The following EEFSEC variants were observed in gnomAD, a reference collection of about 807,000 sequenced individuals.
EEFSEC encodes selenocysteine-specific elongation factor.
In EEFSEC, 43 loss-of-function variants were observed where a neutral mutation model predicts 42.1. The ratio of observed to expected loss-of-function variants is 1.02; its 90% confidence interval spans 0.80 to 1.32. The LOEUF is 1.32. Among genes scored for constraint, EEFSEC ranks in the 40% most tolerant of loss-of-function variants. EEFSEC has a pLI of 0.00. For missense variants in EEFSEC, 745 were observed against 803.6 expected (o/e 0.93, Z 0.88); for synonymous variants, 354 against 339.1 (o/e 1.04, Z -0.48).
chr3:128,156,416 A>G (rs917438555), intron 1 of EEFSEC, among the ~76,000 whole-genome samples: 30 of 152,110 alleles, frequency 2.0e-4, no homozygotes, highest in Non-Finnish European at 3.8e-4. Context: ...TCCCCAGGTT[A>G]CCCTATAGTT....
intron 1 of EEFSEC, among the ~76,000 whole-genome samples, chr3:128,231,278 T>C (rs1465730884): frequency 6.6e-6 from 1 of 152,240 alleles, no homozygotes; most frequent in Non-Finnish European, 1.5e-5. Context: ...CCACTCATTT[T>C]CACAATGGAA....
At chr3:128,414,598 C>G in the EEFSEC span, among the ~76,000 whole-genome samples, 1 of 152,242 alleles carries the variant, frequency 6.6e-6, no homozygotes, top group African/African-American at 2.4e-5. Flanking sequence ...GCCAGTTACC[C>G]ACACTGTCCC....
At chr3:128,362,618 G>A (rs1466389303) in intron 6 of EEFSEC, among the ~76,000 whole-genome samples, 5 of 152,204 alleles carry the variant, frequency 3.3e-5, no homozygotes, top group African/African-American at 9.7e-5. Context: ...AGGGGCACGC[G>A]GAGCTTAAAG....
intron 1 of EEFSEC, among the ~76,000 whole-genome samples, chr3:128,213,217 G>A (rs574973221): frequency 7.9e-4 from 121 of 152,276 alleles, no homozygotes; most frequent in Admixed American, 1.4e-3. Flanking sequence ...CAAACCTTTC[G>A]TCTTCCGGAT....
chr3:128,351,069 A>G (rs923094934), intron 5 of EEFSEC, among the ~76,000 whole-genome samples: 3 of 152,116 alleles, frequency 2.0e-5, no homozygotes, highest in African/African-American at 7.2e-5. Flanking sequence ...CATTGGATCC[A>G]AGGACTGCTG....
At chr3:128,359,974 A>C (rs2067504204) in intron 6 of EEFSEC, among the ~76,000 whole-genome samples, 1 of 152,184 alleles carries the variant, frequency 6.6e-6, no homozygotes, top group Non-Finnish European at 1.5e-5. Context: ...CACTGCCCAG[A>C]GATAGCATCT....
intron 6 of EEFSEC, among the ~76,000 whole-genome samples, chr3:128,361,607 G>A (rs1227419416): frequency 6.6e-6 from 1 of 152,204 alleles, no homozygotes; most frequent in Non-Finnish European, 1.5e-5. Context: ...GGGTCCTGAT[G>A]CTAGGGCTGT....
chr3:128,335,001 T>C (rs528550523), intron 4 of EEFSEC, among the ~76,000 whole-genome samples: 2 of 152,330 alleles, frequency 1.3e-5, no homozygotes, highest in Non-Finnish European at 2.9e-5. Context: ...CTCTTTACCC[T>C]TGGGGTTTTG....
At chr3:128,194,623 A>G (rs2065562379) in intron 1 of EEFSEC, among the ~76,000 whole-genome samples, 2 of 152,238 alleles carry the variant, frequency 1.3e-5, no homozygotes, top group African/African-American at 4.8e-5. Flanking sequence ...TATTTATAAG[A>G]GCAAAAAATT....
intron 2 of EEFSEC, among the ~76,000 whole-genome samples, chr3:128,247,908 G>T (rs2107900736): frequency 6.6e-6 from 1 of 152,176 alleles, no homozygotes; most frequent in East Asian, 1.9e-4. Flanking sequence ...GGCTTGGGGA[G>T]ATATCTAGCG....
At chr3:128,164,692 C>A (rs1014730388) in intron 1 of EEFSEC, among the ~76,000 whole-genome samples, 3 of 152,116 alleles carry the variant, frequency 2.0e-5, no homozygotes, top group African/African-American at 7.2e-5. Context: ...TCAGAGTAAA[C>A]AAGGACCTAG....
chr3:128,154,169 A>G (rs1283285190), intron 1 of EEFSEC, among the ~76,000 whole-genome samples: 1 of 152,148 alleles, frequency 6.6e-6, no homozygotes, highest in Non-Finnish European at 1.5e-5. Context: ...AAAAGGGTAT[A>G]CATACAAAGG....
intron 6 of EEFSEC, among the ~76,000 whole-genome samples, chr3:128,376,826 T>C (rs1280614276): frequency 3.9e-5 from 6 of 152,102 alleles, no homozygotes; most frequent in Non-Finnish European, 2.9e-5. Flanking sequence ...AGAGGAAAGA[T>C]TTAATGTCAG....
At chr3:128,195,473 G>A (rs983583499) in intron 1 of EEFSEC, among the ~76,000 whole-genome samples, 18 of 152,246 alleles carry the variant, frequency 1.2e-4, no homozygotes, top group African/African-American at 4.3e-4. Flanking sequence ...CACAGTATTT[G>A]GTGATCAGCA....
intron 6 of EEFSEC, among the ~76,000 whole-genome samples, chr3:128,387,416 A>C (rs962569018): frequency 5.3e-5 from 8 of 152,208 alleles, no homozygotes; most frequent in Admixed American, 3.3e-4. Context: ...GGCAAGACAC[A>C]AAGGTGCATG....
chr3:128,239,612 A>C (rs1215348135), intron 1 of EEFSEC, among the ~76,000 whole-genome samples: 3 of 152,118 alleles, frequency 2.0e-5, no homozygotes, highest in Non-Finnish European at 4.4e-5. Context: ...CTCTCTATGA[A>C]TTCCTTGATC....
At chr3:128,298,222 C>T (rs2066730153) in intron 4 of EEFSEC, among the ~76,000 whole-genome samples, 2 of 152,168 alleles carry the variant, frequency 1.3e-5, no homozygotes, top group South Asian at 4.1e-4. Flanking sequence ...TACAGTGGCG[C>T]CATCAGCCTC....
At chr3:128,381,834 G>A (rs1467284670) in intron 6 of EEFSEC, among the ~76,000 whole-genome samples, 1 of 152,160 alleles carries the variant, frequency 6.6e-6, no homozygotes, top group East Asian at 1.9e-4. Context: ...AGGGTAGCAG[G>A]AAGGGCATTC....
intron 6 of EEFSEC, among the ~76,000 whole-genome samples, chr3:128,382,095 A>G (rs2067783075): frequency 6.6e-6 from 1 of 152,204 alleles, no homozygotes; most frequent in Non-Finnish European, 1.5e-5. Flanking sequence ...CCTGCTCTCT[A>G]GAATGGGGGC....
Sources: allele counts gnomAD v4.1 joint callset (sites outside exome capture counted in the v4.1 genomes callset), GRCh38; gene constraint gnomAD v4.1.1; transcripts MANE v1.5; gene names NCBI Gene and HGNC (gene_info 2026-07-23, HGNC 2026-07-21).